Variants in CIB4 observed in about 807,000 individuals in gnomAD.
The protein encoded by CIB4 is calcium and integrin binding family member 4.
Under a neutral mutation model 25.8 loss-of-function variants are expected in CIB4, and 25 were observed. The observed-to-expected ratio is 0.97, with a 90% CI of 0.71 to 1.35. The LOEUF is 1.35. CIB4 is among the 40% of genes most tolerant of loss of function. CIB4 has a pLI of 0.00. For missense variants in CIB4, 235 were observed against 228.2 expected (o/e 1.03, Z -0.19); for synonymous variants, 75 against 81.4 (o/e 0.92, Z 0.42).
At chr2:26,595,094 A>G (rs1668654554) in intron 4 of CIB4, 82 bp downstream of exon 4, 3 of 1,352,832 alleles carry the variant, frequency 2.2e-6, no homozygotes, top group Admixed American at 1.8e-5. Flanking sequence ...CCATCCATCA[A>G]TGAACTGATG....
chr2:26,583,729 G>A, intron 5 of CIB4, 60 bp downstream of exon 5: 1 of 1,139,250 alleles, frequency 8.8e-7, no homozygotes, highest in Admixed American at 1.7e-5. Flanking sequence ...GGGGGCTTTG[G>A]GTGACAACCT....
chr2:26,581,427 C>T (rs770190071), intron 6 of CIB4, 34 bp from the exon 7 acceptor site: 224 of 1,612,338 alleles, frequency 1.4e-4, no homozygotes, highest in Non-Finnish European at 1.7e-4. Context: ...CATGTGAGCC[C>T]GCAGGTCCAA....
intron 3 of CIB4, among the ~76,000 whole-genome samples, chr2:26,608,045 C>T (rs551046982): frequency 1.1e-4 from 16 of 152,374 alleles, no homozygotes; most frequent in African/African-American, 3.6e-4. Flanking sequence ...CAAGGCCAGC[C>T]TGGCCAACAT....
chr2:26,592,545 C>T (rs1378063851), intron 4 of CIB4, among the ~76,000 whole-genome samples: 1 of 152,142 alleles, frequency 6.6e-6, no homozygotes, highest in African/African-American at 2.4e-5. Context: ...ATCTTTTCTG[C>T]ACCGGTCACT....
chr2:26,625,178 T>C (rs1662992), intron 3 of CIB4, among the ~76,000 whole-genome samples: 100,900 of 151,854 alleles, frequency 0.66, 33,870 homozygotes, highest in African/African-American at 0.75. Context: ...TCCAATCTCT[T>C]TTTGAGACCG....
intron 2 of CIB4, among the ~76,000 whole-genome samples, chr2:26,629,860 C>T (rs1364029640): frequency 6.6e-6 from 1 of 152,170 alleles, no homozygotes; most frequent in African/African-American, 2.4e-5. Context: ...TATGTCCAGT[C>T]CCTCGGTTAC....
chr2:26,637,659 T>C (rs750481186), intron 2 of CIB4, among the ~76,000 whole-genome samples: 52 of 152,288 alleles, frequency 3.4e-4, no homozygotes, highest in Non-Finnish European at 5.6e-4. Context: ...GTCCTCTTCA[T>C]GCAAGTGGAA....
chr2:26,640,672 T>A (rs1356816733), intron 1 of CIB4, 105 bp from the exon 2 acceptor site: 1 of 1,249,258 alleles, frequency 8.0e-7, no homozygotes, highest in Non-Finnish European at 1.1e-6. Flanking sequence ...CCCATTCTTT[T>A]GCTGCACAGC....
At position 26,627,602 on chromosome 2, in the gene CIB4, G is replaced by T. The variant is rs1241925145; in HGVS notation, c.186+1808C>A. 1.3e-5 allele frequency among the ~76,000 whole-genome samples: 2 copies of T among 152,196 alleles called. No homozygotes were observed. The highest frequency in any genetic ancestry group is 2.9e-5 in the Non-Finnish European group (2 of 68,042). ...GCCCATGCACGTGTACACATGGGGT[G>T]TGACTGTATGAGGGTGAGGCCAGGA... On this transcript the variant is annotated intron_variant, in intron 3 of 6. Transcript: ENST00000288861. This position sits in a 1 kb window ranked among gnomAD's most constrained non-coding sequence, Gnocchi z 4.0.
intron 3 of CIB4, among the ~76,000 whole-genome samples, chr2:26,614,583 C>T (rs746299890): frequency 6.6e-6 from 1 of 152,238 alleles, no homozygotes; most frequent in Non-Finnish European, 1.5e-5. Context: ...CGCCCAGTTC[C>T]GGCTGGTCAC....
At chr2:26,639,359 C>T (rs1025620367) in intron 2 of CIB4, among the ~76,000 whole-genome samples, 3 of 151,778 alleles carry the variant, frequency 2.0e-5, no homozygotes, top group Non-Finnish European at 4.4e-5. Flanking sequence ...CCCCCACCCC[C>T]CAACAGGCCC....
At chr2:26,633,295 T>G (rs1186547187) in intron 2 of CIB4, among the ~76,000 whole-genome samples, 2 of 152,176 alleles carry the variant, frequency 1.3e-5, no homozygotes, top group African/African-American at 2.4e-5. Flanking sequence ...CTCACTGAAT[T>G]TTCCCAACAA....
In CIB4 at chr2:26,629,464, G is replaced by A. The variant is rs1231143654; in HGVS notation, c.132C>T (p.Tyr44=). ...CCATGGTGAGCGTTGCCTCCTTGTA[G>A]TACTTCCCAGGAGGGCAGAGCTTCA... The part of the protein sequence containing the change: ...TFLKLCPPGK[Y]YKEATLTMDQ... The change falls in exon 3 of 7, where the codon TAC becomes TAT. Residue 44 remains tyrosine, a synonymous_variant. Transcript: ENST00000288861. 6.3e-7 allele frequency: 1 copy of A among 1,581,844 alleles called. No homozygotes were observed. The highest frequency in any genetic ancestry group is 8.6e-7 in the Non-Finnish European group (1 of 1,163,596).
At chr2:26,620,332 A>G (rs72493381) in intron 3 of CIB4, among the ~76,000 whole-genome samples, 7,936 of 152,274 alleles carry the variant, frequency 0.052, 618 homozygotes, top group East Asian at 0.34. Context: ...AGGAAGGTCA[A>G]TTGCAAGTGT....
intron 3 of CIB4, among the ~76,000 whole-genome samples, chr2:26,596,661 C>G: frequency 6.6e-6 from 1 of 151,512 alleles, no homozygotes; most frequent in Non-Finnish European, 1.5e-5. Flanking sequence ...GCAGGAGAAT[C>G]GCTTGAACCT....
intron 4 of CIB4, among the ~76,000 whole-genome samples, chr2:26,584,316 A>G (rs1420005089): frequency 6.6e-6 from 1 of 152,024 alleles, no homozygotes; most frequent in Non-Finnish European, 1.5e-5. Flanking sequence ...GCAACTCTCC[A>G]TCTCACAATT....
At chr2:26,625,675 C>G (rs182374646) in intron 3 of CIB4, among the ~76,000 whole-genome samples, 2 of 152,336 alleles carry the variant, frequency 1.3e-5, no homozygotes, top group East Asian at 3.9e-4. Context: ...TCCACCCCCC[C>G]ACTGCTTCCC....
At chr2:26,623,157 A>G (rs1373393483) in intron 3 of CIB4, among the ~76,000 whole-genome samples, 1 of 151,872 alleles carries the variant, frequency 6.6e-6, no homozygotes, top group Non-Finnish European at 1.5e-5. Context: ...CAACCAGACA[A>G]CATGACAAGA....
At chr2:26,588,978 TTTCTTCTTCTTCTTCTTC>T (rs879474454) in intron 4 of CIB4, among the ~76,000 whole-genome samples, 13 of 69,934 alleles carry the variant, frequency 1.9e-4, no homozygotes, top group African/African-American at 6.0e-4. Flanking sequence ...CCGCTTCTTC[TTTCTTCTTCTTCTTCTTC>T]TTCTTCTTCT....
Sources: gnomAD v4.1 joint callset for allele counts (sites outside exome capture counted in the v4.1 genomes callset) on GRCh38, gnomAD v4.1.1 for gene constraint, Gnocchi (gnomAD v3.1) non-coding constraint, MANE v1.5 for transcripts, NCBI Gene and HGNC (gene_info 2026-07-23, HGNC 2026-07-21) for gene names.